Variants in PCDHGB7 observed in about 807,000 individuals in gnomAD.
PCDHGB7 encodes the protein protocadherin gamma subfamily B, 7.
In PCDHGB7, 37 loss-of-function variants were observed where a neutral mutation model predicts 61.4. The ratio of observed to expected loss-of-function variants is 0.60; its 90% CI spans 0.46 to 0.79. The LOEUF (loss-of-function observed/expected upper bound fraction) is 0.79. PCDHGB7 is among the 30% of genes least tolerant of loss of function. The pLI, the probability that PCDHGB7 is intolerant of heterozygous loss-of-function variation, is 0.00. For synonymous variants in PCDHGB7, 464 were observed against 503.5 expected, an observed-to-expected ratio of 0.92 and a Z score of 1.05; for missense variants, 1,166 against 1,202.5, an observed-to-expected ratio of 0.97 and a Z score of 0.45.
At position 141,511,575 on chromosome 5, in the gene PCDHGB7, T is replaced by C. The variant is rs930675653; in HGVS notation, c.*402T>C. On this transcript the variant is annotated 3_prime_UTR_variant, in exon 4 of 4. Transcript: ENST00000398594. ...AGTTCCTCTTTCCCGAGTAAGGTGG[T>C]TGGGGTGTTGAAGTACCAAGTAACC... 28 of 287,258 alleles carry C rather than the reference T, an allele frequency of 9.7e-5. No individual in the cohort carries two copies. Among genetic ancestry groups the C allele is most frequent in the Middle Eastern group, 1.3e-3 (1 of 784 alleles). The allele number at this position is 287,258 out of a possible 1,614,324, so 17.8% of individuals were successfully genotyped here.
Position 141,418,417 on chromosome 5 carries a change from T to C in PCDHGB7, c.558T>C (p.Pro186=). The C allele has an allele frequency of 6.2e-7, 1 of 1,614,002 alleles. No homozygotes were observed. The highest frequency in any genetic ancestry group is 8.5e-7 in the Non-Finnish European group (1 of 1,179,884). Residue 186 remains proline (P), a synonymous_variant, in exon 1 of 4, where the codon CCT becomes CCC. Coordinates refer to ENST00000398594, the MANE Select transcript of PCDHGB7 (RefSeq NM_018927.4). ...TCTCATTGGTGGAGAAAGACAATCC[T>C]GATGGTGGCAAATATCCAGAATTAG... is the stretch of plus-strand genomic sequence containing the variant. ...EYFSLVEKDN[P]DGGKYPELVL... is the part of the protein sequence containing the mutation.
chr5:141,460,848 C>T lies in PCDHGB7; in HGVS notation c.2416-33959C>T, dbSNP rs528601988. Among the ~76,000 whole-genome samples, 257 of 150,340 alleles carry T rather than the reference C, an allele frequency of 1.7e-3. 1 individual carries two copies. The highest frequency in any genetic ancestry group is 4.2e-3 in the Admixed American group (62 of 14,868). ...ACACTTAAAGTAATGGCCTCCAGTT[C>T]GATCCAAGTTGCTGCAAAGGACATT... is the stretch of plus-strand genomic sequence containing the variant. On this transcript the variant is annotated intron_variant, in intron 1 of 3. Transcript: ENST00000398594.
intron 3 of PCDHGB7, among the ~76,000 whole-genome samples, chr5:141,507,893 G>C (rs750472786): frequency 2.2e-4 from 33 of 152,356 alleles, no homozygotes; most frequent in Non-Finnish European, 4.1e-4. Context: ...AGAGGTTCCT[G>C]AAGTCCAGCC....
chr5:141,475,721 G>C (rs867365261), intron 1 of PCDHGB7, among the ~76,000 whole-genome samples: 5 of 152,248 alleles, frequency 3.3e-5, no homozygotes, highest in Non-Finnish European at 7.3e-5. Context: ...ACAGCCCCAA[G>C]GCTGGCTTTC....
At chr5:141,427,721 A>C (rs904969652) in intron 1 of PCDHGB7, 3 of 1,110,498 alleles carry the variant, frequency 2.7e-6, no homozygotes, top group Non-Finnish European at 4.0e-6. Context: ...ACCTGGACCT[A>C]GGGCTGAATG....
chr5:141,486,707 C>A lies in PCDHGB7; in HGVS notation c.2416-8100C>A, dbSNP rs1314530265. On this transcript the variant is annotated intron_variant, in intron 1 of 3. Coordinates refer to ENST00000398594, the MANE Select transcript of PCDHGB7 (RefSeq NM_018927.4). The surrounding 1 kb of genome is among the most constrained non-coding windows in gnomAD (Gnocchi z 5.0). ...AGCTTCCTCTTTCATCTCTCTGAAC[C>A]CCCAGACAGGAGCTGTTCATGCTAC... 2 of 1,614,040 alleles carry A rather than the reference C, an allele frequency of 1.2e-6. No individual in the cohort carries two copies. The highest frequency in any genetic ancestry group is 1.7e-6 in the Non-Finnish European group (2 of 1,180,038).
chr5:141,430,309 A>G (rs984998714), intron 1 of PCDHGB7, among the ~76,000 whole-genome samples: 2 of 152,116 alleles, frequency 1.3e-5, no homozygotes, highest in Non-Finnish European at 2.9e-5. Context: ...CACTAACATT[A>G]TAAGATTAAA....
chr5:141,432,946 A>G lies in PCDHGB7; in HGVS notation c.2415+12672A>G. 2 of 1,614,130 alleles carry G rather than the reference A, an allele frequency of 1.2e-6. No individual in the cohort carries two copies. The highest frequency in any genetic ancestry group is 1.1e-5 in the South Asian group (1 of 91,080). ...AGTCACGCCTGCTGCAGGCTTCAGG[A>G]GGCGGCTTGACAGGAGCGCCGGCGT... is the stretch of plus-strand genomic sequence containing the variant. On this transcript the variant is annotated intron_variant, in intron 1 of 3. Coordinates refer to ENST00000398594, the MANE Select transcript of PCDHGB7 (RefSeq NM_018927.4). This position sits in a 1 kb window ranked among gnomAD's most constrained non-coding sequence, Gnocchi z 6.0.
At chr5:141,472,980 C>CAAAAAAAAAA (rs60579131) in intron 1 of PCDHGB7, among the ~76,000 whole-genome samples, 34 of 85,838 alleles carry the variant, frequency 4.0e-4, no homozygotes, top group South Asian at 1.3e-3. Context: ...GAGTGAAACT[C>CAAAAAAAAAA]AAAAAAAAAA....
chr5:141,422,940 C>G, intron 1 of PCDHGB7: 3 of 1,614,242 alleles, frequency 1.9e-6, no homozygotes, highest in Non-Finnish European at 1.7e-6. Context: ...TCCCCACAGA[C>G]GGCTCCACTG....
At position 141,419,354 on chromosome 5, in the gene PCDHGB7, C is replaced by G. The variant is rs1444462815; in HGVS notation, c.1495C>G (p.Arg499Gly). Residue 499 changes from arginine (R) to glycine (G), a missense_variant, in exon 1 of 4, where the codon CGA becomes GGA. By Grantham distance (125) the Arg-to-Gly change is moderately radical. Coordinates refer to ENST00000398594, the MANE Select transcript of PCDHGB7 (RefSeq NM_018927.4). ...TCTCATTGCCAGCGACCTGGAGTCA[C>G]GAACGCTGTCGTCCTACGTGTCCGT... ...YSLIASDLESRTLSSYVSVSA... is the reference protein window; with the variant it reads ...YSLIASDLESGTLSSYVSVSA... 1 of 1,613,828 alleles carries G rather than the reference C, an allele frequency of 6.2e-7. No homozygotes were observed. The highest frequency in any genetic ancestry group is 1.7e-5 in the Admixed American group (1 of 60,036).
chr5:141,505,621 A>G (rs1170133157), intron 3 of PCDHGB7, 140 bp downstream of exon 3: 5 of 1,495,758 alleles, frequency 3.3e-6, no homozygotes, highest in South Asian at 2.6e-5. Context: ...AGGACCCACA[A>G]TTCCAAACAT....
In PCDHGB7 at chr5:141,485,580, A is replaced by C. The variant is rs761157560; in HGVS notation, c.2416-9227A>C. The C allele has an allele frequency of 6.2e-7, 1 of 1,612,610 alleles. No homozygotes were observed. The highest frequency in any genetic ancestry group is 2.2e-5 in the East Asian group (1 of 44,850). ...GATCACGCCCCCCGTTTTCCGCGGCAGCAGCTGGACTTGGAAATTGGGGAG... is the reference window on the plus strand; with the variant it reads ...GATCACGCCCCCCGTTTTCCGCGGCCGCAGCTGGACTTGGAAATTGGGGAG... On this transcript the variant is annotated intron_variant, in intron 1 of 3. Transcript: ENST00000398594. The surrounding 1 kb of genome is among the most constrained non-coding windows in gnomAD (Gnocchi z 5.7).
At chr5:141,426,432 C>T (rs1239073805) in intron 1 of PCDHGB7, 2 of 295,812 alleles carry the variant, frequency 6.8e-6, no homozygotes, top group African/African-American at 2.2e-5. Flanking sequence ...TGGTGGGGAA[C>T]CTTGCGGAGG....
intron 1 of PCDHGB7, among the ~76,000 whole-genome samples, chr5:141,469,808 A>C (rs1253675252): frequency 2.0e-5 from 3 of 152,174 alleles, no homozygotes; most frequent in Admixed American, 6.5e-5. Flanking sequence ...AAAACATTGT[A>C]GATAGAATGG....
intron 1 of PCDHGB7, chr5:141,440,995 C>G (rs1425894086): frequency 6.6e-6 from 1 of 152,154 alleles, no homozygotes; most frequent in Non-Finnish European, 1.5e-5. Context: ...GTACCCATAT[C>G]TAGTTTGGCC....
chr5:141,483,538 G>C (rs571240759), intron 1 of PCDHGB7, among the ~76,000 whole-genome samples: 1 of 152,230 alleles, frequency 6.6e-6, no homozygotes, highest in African/African-American at 2.4e-5. Flanking sequence ...AAGCTGGGTG[G>C]TTGACAGTGC....
intron 1 of PCDHGB7, chr5:141,423,965 T>C (rs911812056): frequency 8.1e-5 from 94 of 1,162,030 alleles, no homozygotes; most frequent in Admixed American, 1.3e-4. Context: ...TATTTTTCTA[T>C]TATCAGTGTA....
chr5:141,421,749 C>T, intron 1 of PCDHGB7: 1 of 1,613,918 alleles, frequency 6.2e-7, no homozygotes, highest in Non-Finnish European at 8.5e-7. Flanking sequence ...ACCAGCTCAG[C>T]CCTAATAATT....
Sources: gnomAD v4.1 joint callset for allele counts (sites outside exome capture counted in the v4.1 genomes callset) on GRCh38, gnomAD v4.1.1 for gene constraint, Gnocchi (gnomAD v3.1) non-coding constraint, MANE v1.5 for transcripts, NCBI Gene and HGNC (gene_info 2026-07-23, HGNC 2026-07-21) for gene names.